The following ZNF680 variants were observed in gnomAD, a reference collection of about 807,000 sequenced individuals.
The protein encoded by ZNF680 is zinc finger protein 680, also known as hypothetical protein FLJ90430.
Under a neutral mutation model 12.1 loss-of-function variants are expected in ZNF680, and 6 were observed. That is an observed-to-expected ratio of 0.49 (90% CI 0.27 to 0.98). The LOEUF (loss-of-function observed/expected upper bound fraction) is 0.98, where lower values mean the gene tolerates loss of function less well. ZNF680 is among the 50% of genes least tolerant of loss of function. The pLI is 0.12. For missense variants in ZNF680, 561 were observed against 616.3 expected, an observed-to-expected ratio of 0.91 and a Z score of 0.95; for synonymous variants, 170 against 199.3, an observed-to-expected ratio of 0.85 and a Z score of 1.24.
chr7:64,542,640 T>G (rs1786564933), intron 3 of ZNF680, among the ~76,000 whole-genome samples: 1 of 152,026 alleles, frequency 6.6e-6, no homozygotes, highest in African/African-American at 2.4e-5. Context: ...GAGAACAAAT[T>G]TAAACAAGGA....
chr7:64,538,884 A>G (rs1057252682), intron 3 of ZNF680, among the ~76,000 whole-genome samples: 1 of 152,146 alleles, frequency 6.6e-6, no homozygotes. Flanking sequence ...TAATCCCAGC[A>G]CTTTGGAAGG....
At chr7:64,504,495 G>A in the ZNF680 span, among the ~76,000 whole-genome samples, 2 of 152,092 alleles carry the variant, frequency 1.3e-5, no homozygotes, top group Admixed American at 1.3e-4. Context: ...GATTTATCTG[G>A]AATGTGAAAA....
chr7:64,539,351 CAAAAAAAAAAAA>C (rs1170166478), intron 3 of ZNF680, among the ~76,000 whole-genome samples: 2 of 48,498 alleles, frequency 4.1e-5, no homozygotes, highest in African/African-American at 1.0e-4. Context: ...AACTTCGTCT[CAAAAAAAAAAAA>C]AAAAAAAAAA....
At chr7:64,550,590 G>A (rs1254711473) in intron 1 of ZNF680, among the ~76,000 whole-genome samples, 1 of 152,146 alleles carries the variant, frequency 6.6e-6, no homozygotes, top group Non-Finnish European at 1.5e-5. Flanking sequence ...CAATGCACAC[G>A]TTACTCTAAG....
chr7:64,546,429 C>T (rs565325691), intron 1 of ZNF680, among the ~76,000 whole-genome samples: 3 of 152,132 alleles, frequency 2.0e-5, no homozygotes, highest in Admixed American at 1.3e-4. Flanking sequence ...AACAATGAGA[C>T]GCTCCATGAA....
At chr7:64,499,331 G>C in the ZNF680 span, among the ~76,000 whole-genome samples, 1 of 152,016 alleles carries the variant, frequency 6.6e-6, no homozygotes, top group African/African-American at 2.4e-5. Context: ...CCAAGTGATA[G>C]AGCAGGAGCA....
At chr7:64,558,993 C>A (rs1787575180) in intron 1 of ZNF680, among the ~76,000 whole-genome samples, 1 of 151,890 alleles carries the variant, frequency 6.6e-6, no homozygotes, top group African/African-American at 2.4e-5. Flanking sequence ...GGTGATGAGG[C>A]TATTGGCTAC....
intron 3 of ZNF680, among the ~76,000 whole-genome samples, chr7:64,538,065 C>T (rs560937813): frequency 2.0e-5 from 3 of 151,788 alleles, no homozygotes; most frequent in East Asian, 1.9e-4. Flanking sequence ...AAAAAAATAA[C>T]GTTGAAATCA....
rs763911111 is a variant in ZNF680 at position 64,544,479 on chromosome 7, T to G, written c.31-47A>C. 8.3e-6 allele frequency: 13 copies of G among 1,570,540 alleles called. No individual in the cohort carries two copies. In the East Asian group the frequency reaches 2.8e-4, roughly 34 times the overall value. On this transcript the variant is annotated intron_variant, in intron 1 of 3. Transcript: ENST00000309683. ...ACACACACACACACACACTTATATATTTACTAAATGACCATGGGCAGAATT... is the reference window on the plus strand; with the variant it reads ...ACACACACACACACACACTTATATAGTTACTAAATGACCATGGGCAGAATT...
intron 2 of ZNF680, 42 bp downstream of exon 2, chr7:64,544,264 C>A (rs941926160): frequency 6.3e-7 from 1 of 1,580,682 alleles, no homozygotes. Context: ...GAAATAAAAC[C>A]TTTAGGGCAT....
rs775905560 is a variant in ZNF680 at position 64,522,259 on chromosome 7, T to C, written c.495A>G (p.Lys165=). ...TCTTATGACTGTTTGAATTTGAAAATTTATGAAAGACTTTCACGTATTTAT... is the reference window on the plus strand; with the variant it reads ...TCTTATGACTGTTTGAATTTGAAAACTTATGAAAGACTTTCACGTATTTAT... The part of the protein sequence containing the change: ...QCDKYVKVFH[K]FSNSNSHKKR... The change falls in exon 4 of 4, where the codon AAA becomes AAG. Residue 165 remains lysine (K), a synonymous_variant. Coordinates refer to ENST00000309683, the MANE Select transcript of ZNF680 (RefSeq NM_178558.5). 8.3e-5 allele frequency: 134 copies of C among 1,612,848 alleles called. No homozygotes were observed. Among genetic ancestry groups the C allele is most frequent in the Middle Eastern group, 1.7e-4 (1 of 6,032 alleles).
intron 3 of ZNF680, among the ~76,000 whole-genome samples, chr7:64,542,743 G>C (rs1434426175): frequency 6.6e-6 from 1 of 152,168 alleles, no homozygotes; most frequent in Non-Finnish European, 1.5e-5. Flanking sequence ...CTGTCACACA[G>C]GCTGGAGTGC....
chr7:64,520,335 GA>G lies in ZNF680; in HGVS notation c.*825del, dbSNP rs1158391061. The G allele has an allele frequency of 6.6e-6, 1 of 151,278 alleles. No homozygotes were observed. The highest frequency in any genetic ancestry group is 1.5e-5 in the Non-Finnish European group (1 of 67,552). 9.4% of individuals were successfully genotyped at this position (151,278 alleles called of 1,614,324 possible). A position where few individuals can be genotyped will look rare whatever the true frequency, so the allele number is the denominator to read the frequency against. On this transcript the variant is annotated 3_prime_UTR_variant, in exon 4 of 4. Transcript: ENST00000309683. ...TTCAAATAAGCCATAATTTTTTCAA[GA>G]AAAAAAGTATACTTTCAATGTAATT...
At chr7:64,538,668 C>A (rs796952275) in intron 3 of ZNF680, among the ~76,000 whole-genome samples, 1 of 152,020 alleles carries the variant, frequency 6.6e-6, no homozygotes, top group Non-Finnish European at 1.5e-5. Context: ...ATTGTTGGTG[C>A]AAAACAAGGA....
At chr7:64,509,842 G>A in the ZNF680 span, among the ~76,000 whole-genome samples, 1 of 151,884 alleles carries the variant, frequency 6.6e-6, no homozygotes, top group African/African-American at 2.4e-5. Context: ...AGAGAGAGAA[G>A]GAGGAGAAAG....
At chr7:64,557,285 A>C (rs1787469532) in intron 1 of ZNF680, among the ~76,000 whole-genome samples, 1 of 151,806 alleles carries the variant, frequency 6.6e-6, no homozygotes, top group South Asian at 2.1e-4. Context: ...GGCCAGGCGC[A>C]GTGGTTCATA....
chr7:64,526,863 A>T (rs1416050098), intron 3 of ZNF680, among the ~76,000 whole-genome samples: 1 of 152,262 alleles, frequency 6.6e-6, no homozygotes, highest in East Asian at 1.9e-4. Flanking sequence ...TGTAATCTCC[A>T]CTTTTCAAGA....
intron 1 of ZNF680, chr7:64,561,420 A>G (rs1177128292): frequency 1.3e-5 from 2 of 152,206 alleles, no homozygotes; most frequent in African/African-American, 2.4e-5. Flanking sequence ...ATCACCCCAT[A>G]AAGTTTCCAA....
intron 3 of ZNF680, among the ~76,000 whole-genome samples, chr7:64,538,153 T>G (rs984610057): frequency 7.1e-6 from 1 of 140,658 alleles, no homozygotes; most frequent in Non-Finnish European, 1.6e-5. Context: ...ATTTAGAAAT[T>G]TAAAAAATAA....
Sources: gnomAD v4.1 joint callset for allele counts (sites outside exome capture counted in the v4.1 genomes callset) on GRCh38, gnomAD v4.1.1 for gene constraint, MANE v1.5 for transcripts, NCBI Gene and HGNC (gene_info 2026-07-23, HGNC 2026-07-21) for gene names.